The following KIAA0825 variants were observed in gnomAD, a reference collection of about 807,000 sequenced individuals.
KIAA0825 encodes KIAA0825, also known as uncharacterized protein KIAA0825.
A neutral mutation model predicts 147.6 loss-of-function variants in KIAA0825; 119 were observed. The observed-to-expected ratio is 0.81, with a 90% CI of 0.69 to 0.94. KIAA0825 has a LOEUF of 0.94. KIAA0825 is among the 40% of genes least tolerant of loss of function. The pLI, the probability that KIAA0825 is intolerant of heterozygous loss-of-function variation, is 0.00. For missense variants in KIAA0825, 1,381 were observed against 1,472.7 expected, an observed-to-expected ratio of 0.94 and a Z score of 1.02; for synonymous variants, 470 against 518.1, an observed-to-expected ratio of 0.91 and a Z score of 1.26.
intron 10 of KIAA0825, among the ~76,000 whole-genome samples, chr5:94,466,907 A>T (rs1760616378): frequency 6.6e-6 from 1 of 152,126 alleles, no homozygotes; most frequent in Non-Finnish European, 1.5e-5. Context: ...TTGCATATAA[A>T]TTTAAGCAAA....
chr5:94,494,741 T>C (rs1764156769), intron 5 of KIAA0825, among the ~76,000 whole-genome samples: 1 of 152,196 alleles, frequency 6.6e-6, no homozygotes, highest in Non-Finnish European at 1.5e-5. Context: ...TCTCGCATCA[T>C]GACCAAAAAT....
chr5:94,291,235 T>C (rs953538320), intron 20 of KIAA0825, among the ~76,000 whole-genome samples: 1 of 152,254 alleles, frequency 6.6e-6, no homozygotes, highest in Non-Finnish European at 1.5e-5. Flanking sequence ...CTAGGGTTTT[T>C]ATGGTTTTAG....
intron 1 of KIAA0825, chr5:94,593,107 G>A: frequency 1.4e-6 from 1 of 733,908 alleles, no homozygotes; most frequent in Non-Finnish European, 2.5e-6. Context: ...ATTAATGAAT[G>A]GCAATACCCT....
At chr5:94,192,996 A>C (rs1770811528) in intron 20 of KIAA0825, among the ~76,000 whole-genome samples, 1 of 152,190 alleles carries the variant, frequency 6.6e-6, no homozygotes, top group Admixed American at 6.5e-5. Context: ...TTGTTACATG[A>C]ATGCTAGCCT....
chr5:94,233,007 A>T (rs933178316), intron 20 of KIAA0825, among the ~76,000 whole-genome samples: 7 of 152,222 alleles, frequency 4.6e-5, no homozygotes, highest in African/African-American at 1.4e-4. Flanking sequence ...AAAATACTGC[A>T]CAGGAAATTA....
chr5:94,201,657 C>T (rs1308420070), intron 20 of KIAA0825, among the ~76,000 whole-genome samples: 2 of 151,644 alleles, frequency 1.3e-5, no homozygotes, highest in African/African-American at 4.8e-5. Context: ...CTATGTTACC[C>T]AGTCTGGTCT....
At chr5:94,203,696 G>T (rs896486799) in intron 20 of KIAA0825, among the ~76,000 whole-genome samples, 25 of 152,054 alleles carry the variant, frequency 1.6e-4, no homozygotes, top group African/African-American at 5.8e-4. Flanking sequence ...ACAGATACTC[G>T]AGTATCTGAT....
intron 20 of KIAA0825, among the ~76,000 whole-genome samples, chr5:94,346,073 G>A (rs781300457): frequency 5.9e-5 from 9 of 152,138 alleles, no homozygotes; most frequent in Admixed American, 3.3e-4. Flanking sequence ...GTGTGGCACC[G>A]GGCTGTCTGC....
At chr5:94,529,244 A>ATATGTATATATCATATATATGTATATAT (rs1561267886) in intron 3 of KIAA0825, among the ~76,000 whole-genome samples, 4 of 123,234 alleles carry the variant, frequency 3.2e-5, no homozygotes, top group Admixed American at 8.0e-5. Flanking sequence ...ATGTATATAT[A>ATATGTATATATCATATATATGTATATAT]CATATATATG....
intron 12 of KIAA0825, among the ~76,000 whole-genome samples, chr5:94,454,402 C>T (rs750903202): frequency 3.5e-4 from 54 of 152,154 alleles, no homozygotes; most frequent in Non-Finnish European, 6.9e-4. Flanking sequence ...CCCTTCTCTC[C>T]CCCTGGTTGT....
At chr5:94,468,808 A>G (rs542775755) in intron 10 of KIAA0825, among the ~76,000 whole-genome samples, 35 of 152,202 alleles carry the variant, frequency 2.3e-4, no homozygotes, top group Non-Finnish European at 3.8e-4. Flanking sequence ...TTTTCTCAAT[A>G]CTCTATAGTG....
intron 13 of KIAA0825, among the ~76,000 whole-genome samples, chr5:94,447,497 A>G (rs1183719281): frequency 1.3e-5 from 2 of 152,140 alleles, no homozygotes; most frequent in Admixed American, 1.3e-4. Context: ...ACTGTGGTCA[A>G]GCAGGCAAAT....
intron 20 of KIAA0825, among the ~76,000 whole-genome samples, chr5:94,241,932 G>A (rs950684777): frequency 3.9e-5 from 6 of 152,184 alleles, no homozygotes; most frequent in African/African-American, 1.4e-4. Context: ...AAATAAGGCA[G>A]TGTTTTTATT....
intron 20 of KIAA0825, among the ~76,000 whole-genome samples, chr5:94,281,198 AACACACAC>A (rs34358354): frequency 0.087 from 12,542 of 144,992 alleles, 574 homozygotes; most frequent in Admixed American, 0.12. Context: ...TAAGTGATTT[AACACACAC>A]ACACACACAC....
At chr5:94,551,033 A>G (rs1176429663) in intron 2 of KIAA0825, among the ~76,000 whole-genome samples, 1 of 151,946 alleles carries the variant, frequency 6.6e-6, no homozygotes, top group Middle Eastern at 3.2e-3. Context: ...AGTGATAGAT[A>G]TCATAAATAT....
At chr5:94,376,255 C>T (rs536879768) in intron 20 of KIAA0825, among the ~76,000 whole-genome samples, 2 of 152,048 alleles carry the variant, frequency 1.3e-5, no homozygotes, top group Non-Finnish European at 2.9e-5. Flanking sequence ...AAGTATGGTA[C>T]ATATTAATAG....
chr5:94,357,060 A>C (rs1221072260), intron 20 of KIAA0825, among the ~76,000 whole-genome samples: 3 of 152,170 alleles, frequency 2.0e-5, no homozygotes, highest in Non-Finnish European at 4.4e-5. Context: ...ACATACAACA[A>C]TGTTGAATCC....
intron 18 of KIAA0825, among the ~76,000 whole-genome samples, chr5:94,389,700 C>G (rs1749642290): frequency 6.6e-6 from 1 of 152,188 alleles, no homozygotes; most frequent in South Asian, 2.1e-4. Flanking sequence ...ACAAACATCA[C>G]AATGCAATGT....
At chr5:94,540,432 A>G (rs1422365858) in intron 2 of KIAA0825, among the ~76,000 whole-genome samples, 1 of 152,138 alleles carries the variant, frequency 6.6e-6, no homozygotes, top group African/African-American at 2.4e-5. Flanking sequence ...TGTCCTTGGG[A>G]GCTTGACCTT....
Sources: gnomAD v4.1 joint callset for allele counts (sites outside exome capture counted in the v4.1 genomes callset) on GRCh38, gnomAD v4.1.1 for gene constraint, MANE v1.5 for transcripts, NCBI Gene and HGNC (gene_info 2026-07-23, HGNC 2026-07-21) for gene names.